Variants in RABGAP1L observed in about 807,000 individuals in gnomAD.
RABGAP1L encodes the protein rab GTPase-activating protein 1-like.
RABGAP1L carries 63 observed loss-of-function variants against 137.7 expected under a neutral mutation model. The ratio of observed to expected loss-of-function variants is 0.46; its 90% CI spans 0.37 to 0.56. The LOEUF (loss-of-function observed/expected upper bound fraction) is 0.56. RABGAP1L is among the 20% of genes least tolerant of loss of function. RABGAP1L has a pLI of 0.00. For missense variants in RABGAP1L, 1,095 were observed against 1,244.0 expected, an observed-to-expected ratio of 0.88 and a Z score of 1.80; for synonymous variants, 431 against 433.7, an observed-to-expected ratio of 0.99 and a Z score of 0.08.
At chr1:174,570,231 G>A (rs1479301461) in intron 13 of RABGAP1L, among the ~76,000 whole-genome samples, 1 of 152,158 alleles carries the variant, frequency 6.6e-6, no homozygotes, top group Non-Finnish European at 1.5e-5. Context: ...ACTTTCTAAA[G>A]CAAACAGTTC....
intron 17 of RABGAP1L, chr1:174,705,725 T>C (rs1679996478): frequency 6.6e-6 from 1 of 152,218 alleles, no homozygotes; most frequent in Non-Finnish European, 1.5e-5. Flanking sequence ...ACAAAGGAAA[T>C]TTTTGAATAA....
chr1:174,988,213 C>T (rs944813533), intron 24 of RABGAP1L, among the ~76,000 whole-genome samples: 6 of 152,198 alleles, frequency 3.9e-5, no homozygotes, highest in Non-Finnish European at 8.8e-5. Flanking sequence ...GATGACCTTC[C>T]TCAGTCTACT....
intron 1 of RABGAP1L, among the ~76,000 whole-genome samples, chr1:174,192,510 A>T (rs1313792060): frequency 6.6e-6 from 1 of 151,898 alleles, no homozygotes; most frequent in Non-Finnish European, 1.5e-5. Flanking sequence ...TTTATTAGAG[A>T]CAGGGTTTTA....
chr1:174,433,884 C>T (rs752104955), intron 13 of RABGAP1L, among the ~76,000 whole-genome samples: 1 of 152,140 alleles, frequency 6.6e-6, no homozygotes, highest in South Asian at 2.1e-4. Flanking sequence ...ACACAGAACT[C>T]GAACACTTGA....
At chr1:174,808,879 A>G (rs1450043493) in intron 18 of RABGAP1L, among the ~76,000 whole-genome samples, 1 of 151,562 alleles carries the variant, frequency 6.6e-6, no homozygotes, top group African/African-American at 2.4e-5. Flanking sequence ...CTGATCTGGA[A>G]CCCCTGACCT....
At chr1:174,461,577 A>G (rs1037721818) in intron 13 of RABGAP1L, among the ~76,000 whole-genome samples, 27 of 152,128 alleles carry the variant, frequency 1.8e-4, no homozygotes, top group African/African-American at 6.3e-4. Context: ...ATAGTAAGTC[A>G]TCTATTTCTT....
chr1:174,749,697 C>T (rs564774808), intron 17 of RABGAP1L, among the ~76,000 whole-genome samples: 32 of 152,192 alleles, frequency 2.1e-4, no homozygotes, highest in Non-Finnish European at 4.1e-4. Flanking sequence ...TAACCACTCC[C>T]AGAGGCAATA....
intron 19 of RABGAP1L, among the ~76,000 whole-genome samples, chr1:174,950,922 A>G (rs1280000254): frequency 6.6e-6 from 1 of 152,184 alleles, no homozygotes; most frequent in Non-Finnish European, 1.5e-5. Context: ...ATAAATTAAT[A>G]TTTTTGTATC....
chr1:174,236,556 A>C (rs1671186466), intron 4 of RABGAP1L, among the ~76,000 whole-genome samples: 3 of 151,044 alleles, frequency 2.0e-5, no homozygotes, highest in Admixed American at 6.6e-5. Context: ...CAGGTTGTTC[A>C]GTTTCCATGT....
chr1:174,877,215 C>T (rs1653268605), intron 19 of RABGAP1L, among the ~76,000 whole-genome samples: 2 of 152,146 alleles, frequency 1.3e-5, no homozygotes, highest in Non-Finnish European at 2.9e-5. Context: ...AATTTTCCAG[C>T]TTCTCTGTTA....
chr1:174,826,697 A>G (rs1481115690), intron 19 of RABGAP1L, among the ~76,000 whole-genome samples: 1 of 152,234 alleles, frequency 6.6e-6, no homozygotes, highest in Non-Finnish European at 1.5e-5. Flanking sequence ...TAGTAATTCA[A>G]CATTTCTTTG....
At chr1:174,325,821 G>A (rs1299476128) in intron 11 of RABGAP1L, among the ~76,000 whole-genome samples, 1 of 152,150 alleles carries the variant, frequency 6.6e-6, no homozygotes, top group African/African-American at 2.4e-5. Flanking sequence ...CATGATACCT[G>A]CCATAGGAGC....
chr1:174,357,219 A>G (rs1270441296), intron 11 of RABGAP1L, among the ~76,000 whole-genome samples: 1 of 152,168 alleles, frequency 6.6e-6, no homozygotes, highest in Non-Finnish European at 1.5e-5. Flanking sequence ...GAATGTTTTA[A>G]CTTCCATTCT....
intron 6 of RABGAP1L, among the ~76,000 whole-genome samples, chr1:174,252,240 A>G (rs1672776098): frequency 1.3e-5 from 2 of 152,186 alleles, no homozygotes; most frequent in African/African-American, 4.8e-5. Flanking sequence ...GTTAGCAGAC[A>G]AAATATAAGG....
At chr1:174,888,268 T>C (rs1415313248) in intron 19 of RABGAP1L, among the ~76,000 whole-genome samples, 1 of 152,200 alleles carries the variant, frequency 6.6e-6, no homozygotes, top group Non-Finnish European at 1.5e-5. Context: ...ACATTTATAA[T>C]GGAAGGAATT....
chr1:174,878,120 CT>C lies in RABGAP1L; in HGVS notation c.2340+66161del, dbSNP rs745751788. 3.2e-4 allele frequency among the ~76,000 whole-genome samples: 48 copies of C among 152,172 alleles called. 1 individual carries two copies. The highest frequency in any genetic ancestry group is 7.9e-4 in the Admixed American group (12 of 15,270). On this transcript the variant is annotated intron_variant, in intron 19 of 25. Transcript: ENST00000681986. ...CAGGATCTTAGTGTGTGTGCATGTC[CT>C]GGCATAATCAAAAACGGAAGTTCTT...
In RABGAP1L at chr1:174,702,332, T is replaced by C. The variant is rs144483095; in HGVS notation, c.2169+76T>C. On this transcript the variant is annotated intron_variant, in intron 17 of 25. Coordinates refer to ENST00000681986, the MANE Select transcript of RABGAP1L (RefSeq NM_001366446.1). ...TAAAAATGGTTACAGTTTTCTTCCT[T>C]TTGTTTTTGCCTGTGACATTAAGCC... 1.8e-3 allele frequency: 2,410 copies of C among 1,332,792 alleles called. 38 individuals are homozygous for C. The African/African-American group carries it at 0.032, about 18-fold the overall frequency. The allele number at this position is 1,332,792 out of a possible 1,614,324, so 82.6% of individuals were successfully genotyped here. A position where few individuals can be genotyped will look rare whatever the true frequency, so the allele number is the denominator to read the frequency against.
At chr1:174,487,879 A>G (rs1007155527) in intron 13 of RABGAP1L, among the ~76,000 whole-genome samples, 2 of 152,192 alleles carry the variant, frequency 1.3e-5, no homozygotes, top group African/African-American at 4.8e-5. Context: ...CACTGTTTGT[A>G]TAAACAAGCA....
At chr1:174,373,098 G>A (rs1685237524) in intron 12 of RABGAP1L, among the ~76,000 whole-genome samples, 1 of 152,148 alleles carries the variant, frequency 6.6e-6, no homozygotes, top group Non-Finnish European at 1.5e-5. Context: ...TACCTCATAT[G>A]TTTTTATCTG....
Sources: allele counts gnomAD v4.1 joint callset (sites outside exome capture counted in the v4.1 genomes callset), GRCh38; gene constraint gnomAD v4.1.1; transcripts MANE v1.5; gene names NCBI Gene and HGNC (gene_info 2026-07-23, HGNC 2026-07-21).